Variants in YOD1 observed in about 807,000 individuals in gnomAD.
The protein encoded by YOD1 is ubiquitin thioesterase OTU1.
Under a neutral mutation model 23.7 loss-of-function variants are expected in YOD1, and 17 were observed. The observed-to-expected ratio is 0.72, with a 90% confidence interval of 0.49 to 1.07. YOD1 has a LOEUF of 1.07. YOD1 is among the 50% of genes least tolerant of loss of function. The pLI is 0.00. For synonymous variants in YOD1, 191 were observed against 169.6 expected (o/e 1.13, Z -0.98); for missense variants, 413 against 447.2 (o/e 0.92, Z 0.69).
At chr1:207,052,430 G>A (rs34713211), upstream of YOD1, 225 of 503,584 alleles carry the variant, frequency 4.5e-4, no homozygotes, top group East Asian at 7.5e-3. Flanking sequence ...GGGAGGCCGA[G>A]GCGGGTGAAT....
chr1:207,051,205 G>C lies in YOD1; in HGVS notation c.-175C>G. The stretch of plus-strand genomic sequence containing the variant: ...CAACGGGTCTTGCTACCTATAGAGC[G>C]AGTGAGGTGCCCTCCGCGTGGGTAG... On this transcript the variant is annotated 5_prime_UTR_variant, in exon 1 of 2. Transcript: ENST00000315927. 2 of 1,267,850 alleles carry C rather than the reference G, an allele frequency of 1.6e-6. No homozygotes were observed. Among genetic ancestry groups the C allele is most frequent in the Non-Finnish European group, 2.1e-6 (2 of 967,962 alleles). 78.5% of individuals were successfully genotyped at this position (1,267,850 alleles called of 1,614,324 possible).
chr1:207,043,934 C>A lies in YOD1; in HGVS notation c.*5086G>T, dbSNP rs1312840487. 1.3e-5 allele frequency: 2 copies of A among 152,500 alleles called. No individual in the cohort carries two copies. The highest frequency in any genetic ancestry group is 2.9e-5 in the Non-Finnish European group (2 of 67,986). 9.4% of individuals were successfully genotyped at this position (152,500 alleles called of 1,614,324 possible). On this transcript the variant is annotated 3_prime_UTR_variant, in exon 2 of 2. Transcript: ENST00000315927. Reference sequence around the variant, plus strand: ...AAGTCATACACCTCATAAATAAAATCAATGCATCTTAATGACAATGGCAAA... The same window carrying A: ...AAGTCATACACCTCATAAATAAAATAAATGCATCTTAATGACAATGGCAAA...
At chr1:207,052,564 G>T (rs923193226), upstream of YOD1, among the ~76,000 whole-genome samples, 1 of 152,104 alleles carries the variant, frequency 6.6e-6, no homozygotes, top group Non-Finnish European at 1.5e-5. Context: ...GGAGGCAGGA[G>T]AATCGCTTGA....
At chr1:207,050,497 C>T (rs996647947) in intron 1 of YOD1, among the ~76,000 whole-genome samples, 191 bp downstream of exon 1, 1 of 152,194 alleles carries the variant, frequency 6.6e-6, no homozygotes, top group African/African-American at 2.4e-5. Context: ...AACCCTGTGT[C>T]AAGACAAGGA....
At chr1:207,052,157 A>T (rs1558055236), upstream of YOD1, 4 of 1,609,130 alleles carry the variant, frequency 2.5e-6, no homozygotes, top group Non-Finnish European at 2.5e-6. Flanking sequence ...CAACTATGAA[A>T]AGTGTAGTTC....
rs2102326570 is a variant in YOD1 at position 207,049,422 on chromosome 1, C to T, written c.645G>A (p.Arg215=). 6.2e-7 allele frequency: 1 copy of T among 1,614,136 alleles called. No homozygotes were observed. Among genetic ancestry groups the T allele is most frequent in the East Asian group, 2.2e-5 (1 of 44,872 alleles). ...CTATTGCTCCTCCCCAAGTGTCATCCCTTTTGATCCAGTCACAGTACTCTT... is the reference window on the plus strand; with the variant it reads ...CTATTGCTCCTCCCCAAGTGTCATCTCTTTTGATCCAGTCACAGTACTCTT... ...TNQEYCDWIK[R]DDTWGGAIEI... The change falls in exon 2 of 2, where the codon AGG becomes AGA. Residue 215 remains arginine (R), a synonymous_variant. Coordinates refer to ENST00000315927, the MANE Select transcript of YOD1 (RefSeq NM_018566.4).
chr1:207,049,882 T>G (rs1207101164), intron 1 of YOD1, among the ~76,000 whole-genome samples, 159 bp from the exon 2 acceptor site: 1 of 152,220 alleles, frequency 6.6e-6, no homozygotes, highest in Non-Finnish European at 1.5e-5. Context: ...GTAAGAATCT[T>G]TGTTCACTGA....
Position 207,049,156 on chromosome 1 carries a change from G to A in YOD1, c.911C>T (p.Ala304Val), listed in dbSNP as rs1216319172. The A allele has an allele frequency of 6.2e-7, 1 of 1,613,998 alleles. No homozygotes were observed. Among genetic ancestry groups the A allele is most frequent in the African/African-American group, 1.3e-5 (1 of 74,976 alleles). Residue 304 changes from alanine (A) to valine (V), a missense_variant, in exon 2 of 2, where the codon GCT becomes GTT. Transcript: ENST00000315927. ...LVQALELADE[A>V]RRRRQFTDVN... The stretch of plus-strand genomic sequence containing the variant: ...ATCAGTAAACTGTCTCCTTCTTCTA[G>A]CTTCATCTGCTAATTCCAGTGCTTG...
Position 207,049,066 on chromosome 1 carries a change from C to G in YOD1, c.1001G>C (p.Arg334Thr). The change falls in exon 2 of 2, where the codon AGG (arginine) becomes ACG (threonine). Residue 334 changes from arginine to threonine, a missense_variant. Arg to Thr is a moderately conservative substitution (Grantham distance 71). Coordinates refer to ENST00000315927, the MANE Select transcript of YOD1 (RefSeq NM_018566.4). ...ATGGCCTGTCTCCTTGGCATGTTCC[C>G]TTGCTTCTGCTTGTCCAGTTAATCC... ...QKGLTGQAEA[R>T]EHAKETGHTN... 1 of 1,613,974 alleles carries G rather than the reference C, an allele frequency of 6.2e-7. No homozygotes were observed. Among genetic ancestry groups the G allele is most frequent in the Non-Finnish European group, 8.5e-7 (1 of 1,180,002 alleles).
In YOD1 at chr1:207,048,762, A is replaced by C; in HGVS notation, c.*258T>G. Reference sequence around the variant, plus strand: ...TCTCAACCTTCAGGTCAGTGTCAGTAGGTGGCAAGGATCACCTATTCTGTC... The same window carrying C: ...TCTCAACCTTCAGGTCAGTGTCAGTCGGTGGCAAGGATCACCTATTCTGTC... On this transcript the variant is annotated 3_prime_UTR_variant, in exon 2 of 2. Coordinates refer to ENST00000315927, the MANE Select transcript of YOD1 (RefSeq NM_018566.4). The C allele has an allele frequency of 2.3e-6, 1 of 439,548 alleles. No individual in the cohort carries two copies. Among genetic ancestry groups the C allele is most frequent in the Non-Finnish European group, 4.1e-6 (1 of 243,460 alleles). The allele number at this position is 439,548 out of a possible 1,614,324, so 27.2% of individuals were successfully genotyped here. A position where few individuals can be genotyped will look rare whatever the true frequency, so the allele number is the denominator to read the frequency against.
rs1682743776 is a variant in YOD1 at position 207,051,178 on chromosome 1, G to A, written c.-148C>T. The A allele has an allele frequency of 5.7e-6, 8 of 1,397,442 alleles. No homozygotes were observed. The highest frequency in any genetic ancestry group is 7.4e-6 in the Non-Finnish European group (8 of 1,075,582). 86.6% of individuals were successfully genotyped at this position (1,397,442 alleles called of 1,614,324 possible). Reference sequence around the variant, plus strand: ...GATGTAAACCTCCGTATTCCTAAAGGACAACGGGTCTTGCTACCTATAGAG... The same window carrying A: ...GATGTAAACCTCCGTATTCCTAAAGAACAACGGGTCTTGCTACCTATAGAG... On this transcript the variant is annotated 5_prime_UTR_variant, in exon 1 of 2. Coordinates refer to ENST00000315927, the MANE Select transcript of YOD1 (RefSeq NM_018566.4).
In YOD1 at chr1:207,045,313, C is replaced by A. The variant is rs1408991503; in HGVS notation, c.*3707G>T. The A allele has an allele frequency of 2.0e-5, 3 of 152,426 alleles. No individual in the cohort carries two copies. The highest frequency in any genetic ancestry group is 4.8e-5 in the African/African-American group (2 of 41,434). The allele number at this position is 152,426 out of a possible 1,614,324, so 9.4% of individuals were successfully genotyped here. Reference sequence around the variant, plus strand: ...ATAAGTAACATTTTTAATGCTAGGGCACAGACCATGCTCCTAATAGTTACT... The same window carrying A: ...ATAAGTAACATTTTTAATGCTAGGGAACAGACCATGCTCCTAATAGTTACT... On this transcript the variant is annotated 3_prime_UTR_variant, in exon 2 of 2. Transcript: ENST00000315927.
In YOD1 at chr1:207,044,705, T is replaced by C. The variant is rs552140904; in HGVS notation, c.*4315A>G. ...CAAGAAATGGGGAAGAAGGGTTGAG[T>C]TGACACAAAGGCATTGCTTTAAAAA... On this transcript the variant is annotated 3_prime_UTR_variant, in exon 2 of 2. Coordinates refer to ENST00000315927, the MANE Select transcript of YOD1 (RefSeq NM_018566.4). 3.3e-5 allele frequency: 5 copies of C among 152,482 alleles called. No homozygotes were observed. The East Asian group carries it at 9.6e-4, about 29-fold the overall frequency. The allele number at this position is 152,482 out of a possible 1,614,324, so 9.4% of individuals were successfully genotyped here.
Position 207,046,380 on chromosome 1 carries a change from A to AT in YOD1, c.*2639dup, listed in dbSNP as rs1428778779. On this transcript the variant is annotated 3_prime_UTR_variant, in exon 2 of 2. Coordinates refer to ENST00000315927, the MANE Select transcript of YOD1 (RefSeq NM_018566.4). Reference sequence around the variant, plus strand: ...AAGAGTTTAATAAGCACAGTAAAAAATGAAAAAACAAACAAACAAAAAGCA... The same window carrying AT: ...AAGAGTTTAATAAGCACAGTAAAAAATTGAAAAAACAAACAAACAAAAAGCA... 2.0e-5 allele frequency: 3 copies of AT among 152,110 alleles called. No homozygotes were observed. The highest frequency in any genetic ancestry group is 2.9e-5 in the Non-Finnish European group (2 of 67,924). The allele number at this position is 152,110 out of a possible 1,614,324, so 9.4% of individuals were successfully genotyped here. A position where few individuals can be genotyped will look rare whatever the true frequency, so the allele number is the denominator to read the frequency against.
chr1:207,048,898 A>T lies in YOD1; in HGVS notation c.*122T>A. ...GGAATTTCAGTGTCTTAGTGGTTTT[A>T]AGTTAAAAGGATGGTTCAAGCATTG... On this transcript the variant is annotated 3_prime_UTR_variant, in exon 2 of 2. Transcript: ENST00000315927. The T allele has an allele frequency of 2.2e-6, 2 of 908,046 alleles. No individual in the cohort carries two copies. Among genetic ancestry groups the T allele is most frequent in the Non-Finnish European group, 3.4e-6 (2 of 594,624 alleles). 56.2% of individuals were successfully genotyped at this position (908,046 alleles called of 1,614,324 possible). A position where few individuals can be genotyped will look rare whatever the true frequency, so the allele number is the denominator to read the frequency against.
In YOD1 at chr1:207,045,597, CAAA is replaced by C. The variant is rs60778314; in HGVS notation, c.*3420_*3422del. The C allele has an allele frequency of 1.5e-5, 2 of 134,156 alleles. No individual in the cohort carries two copies. Among genetic ancestry groups the C allele is most frequent in the Non-Finnish European group, 1.6e-5 (1 of 61,240 alleles). The allele number at this position is 134,156 out of a possible 1,614,324, so 8.3% of individuals were successfully genotyped here. A position where few individuals can be genotyped will look rare whatever the true frequency, so the allele number is the denominator to read the frequency against. ...TGTTTAGGAAGGCCACCTGATTTGT[CAAA>C]AAAAAAAAAAAATCACTCTTGCTTA... is the stretch of plus-strand genomic sequence containing the variant. On this transcript the variant is annotated 3_prime_UTR_variant, in exon 2 of 2. Coordinates refer to ENST00000315927, the MANE Select transcript of YOD1 (RefSeq NM_018566.4).
At chr1:207,049,994 C>G (rs116464956) in intron 1 of YOD1, among the ~76,000 whole-genome samples, 129 of 152,296 alleles carry the variant, frequency 8.5e-4, no homozygotes, top group Middle Eastern at 3.4e-3. Flanking sequence ...TAAAAAGATA[C>G]ATTTCAAAAA....
intron 1 of YOD1, among the ~76,000 whole-genome samples, chr1:207,050,293 T>C (rs1448412141): frequency 6.6e-6 from 1 of 150,848 alleles, no homozygotes; most frequent in Non-Finnish European, 1.5e-5. Flanking sequence ...ACTGCAAAAA[T>C]GAATCAAGAA....
Position 207,049,031 on chromosome 1 carries a change from CA to C in YOD1, c.1035del (p.Phe345LeufsTer12). 1 of 1,613,246 alleles carries C rather than the reference CA, an allele frequency of 6.2e-7. No individual in the cohort carries two copies. The highest frequency in any genetic ancestry group is 1.1e-5 in the South Asian group (1 of 90,962). ...EHAKETGHTN[F>X]GEV ...CATTCATGCATAGGTCACACTTCTCCAAAGTTGGTATGGCCTGTCTCCTTGG... is the reference window on the plus strand; with the variant it reads ...CATTCATGCATAGGTCACACTTCTCCAAGTTGGTATGGCCTGTCTCCTTGG... On this transcript the variant is annotated frameshift_variant, in exon 2 of 2. Transcript: ENST00000315927. LOFTEE classifies it high-confidence loss of function.
Sources: gnomAD v4.1 joint callset for allele counts (sites outside exome capture counted in the v4.1 genomes callset) on GRCh38, gnomAD v4.1.1 for gene constraint, MANE v1.5 for transcripts, NCBI Gene and HGNC (gene_info 2026-07-23, HGNC 2026-07-21) for gene names.